PLEKHA5: variants seen among roughly 807,000 people sequenced by gnomAD.
PLEKHA5 encodes pleckstrin homology domain containing A5.
In PLEKHA5, 55 loss-of-function variants were observed where a neutral mutation model predicts 181.9. The ratio of observed to expected loss-of-function variants is 0.30; its 90% CI spans 0.24 to 0.38. The LOEUF (loss-of-function observed/expected upper bound fraction) is 0.38. PLEKHA5 is among the 10% of genes least tolerant of loss of function. PLEKHA5 has a pLI of 1.00. For synonymous variants in PLEKHA5, 535 were observed against 529.4 expected (o/e 1.01, Z -0.15); for missense variants, 1,432 against 1,549.5 (o/e 0.92, Z 1.27).
At chr12:19,157,667 A>G (rs1331232787) in intron 3 of PLEKHA5, among the ~76,000 whole-genome samples, 1 of 152,140 alleles carries the variant, frequency 6.6e-6, no homozygotes, top group East Asian at 1.9e-4. Context: ...CCCGTCAGTT[A>G]TTGAGCATTT....
rs576219735 is a variant in PLEKHA5 at position 19,369,772 on chromosome 12, T to C, written c.3834T>C (p.His1278=). ...STQPQLTEGS[H]FMCV ...AGCCGCAGCTCACAGAAGGATCACATTTCATGTGTGTGTAGTCTTAGAAGA... is the reference window on the plus strand; with the variant it reads ...AGCCGCAGCTCACAGAAGGATCACACTTCATGTGTGTGTAGTCTTAGAAGA... Residue 1278 remains histidine (H), a synonymous_variant, in exon 31 of 32, where the codon CAT becomes CAC. Coordinates refer to ENST00000429027, the MANE Select transcript of PLEKHA5 (RefSeq NM_001256470.2). 6.2e-7 allele frequency: 1 copy of C among 1,608,358 alleles called. No homozygotes were observed. Among genetic ancestry groups the C allele is most frequent in the African/African-American group, 1.3e-5 (1 of 74,932 alleles).
chr12:19,208,802 C>T (rs544602163), intron 3 of PLEKHA5, among the ~76,000 whole-genome samples: 10 of 152,264 alleles, frequency 6.6e-5, no homozygotes, highest in East Asian at 1.9e-4. Context: ...GGGTACTCTG[C>T]AGATCGAATG....
At chr12:19,340,922 G>A (rs574039542) in intron 21 of PLEKHA5, among the ~76,000 whole-genome samples, 4 of 140,108 alleles carry the variant, frequency 2.9e-5, no homozygotes, top group Non-Finnish European at 4.6e-5. Context: ...CCCCCTCTGC[G>A]AGAAACACCC....
chr12:19,198,863 A>G (rs1392886135), intron 3 of PLEKHA5, among the ~76,000 whole-genome samples: 1 of 152,176 alleles, frequency 6.6e-6, no homozygotes, highest in Non-Finnish European at 1.5e-5. Flanking sequence ...TTATTTACAT[A>G]GTGAAATATT....
At chr12:19,331,135 C>CT (rs542030595) in intron 20 of PLEKHA5, among the ~76,000 whole-genome samples, 2 of 151,698 alleles carry the variant, frequency 1.3e-5, no homozygotes, top group African/African-American at 2.4e-5. Flanking sequence ...TAATTATTTG[C>CT]TTTTTTTTAA....
At chr12:19,363,404 T>A (rs992841270) in intron 29 of PLEKHA5, among the ~76,000 whole-genome samples, 4 of 151,890 alleles carry the variant, frequency 2.6e-5, no homozygotes, top group African/African-American at 9.7e-5. Context: ...TCCTGACTCA[T>A]GATCAGCCCG....
At chr12:19,173,630 C>T (rs771407494) in intron 3 of PLEKHA5, among the ~76,000 whole-genome samples, 1 of 152,146 alleles carries the variant, frequency 6.6e-6, no homozygotes, top group African/African-American at 2.4e-5. Flanking sequence ...AAATCACTCA[C>T]TATTTGAAGC....
intron 20 of PLEKHA5, among the ~76,000 whole-genome samples, chr12:19,334,725 A>T (rs200995680): frequency 6.7e-6 from 1 of 148,310 alleles, no homozygotes; most frequent in East Asian, 2.0e-4. Context: ...TCACACCTGT[A>T]ATCTCAGCAC....
At chr12:19,179,897 G>A (rs1021798617) in intron 3 of PLEKHA5, among the ~76,000 whole-genome samples, 9 of 152,104 alleles carry the variant, frequency 5.9e-5, no homozygotes, top group African/African-American at 1.9e-4. Flanking sequence ...AAAGGGTCTC[G>A]CTATATTTCC....
chr12:19,307,366 G>A (rs1053308895), intron 15 of PLEKHA5: 31 of 278,612 alleles, frequency 1.1e-4, no homozygotes, highest in African/African-American at 5.3e-4. Context: ...CAAATACTTA[G>A]GAGGCTGAGG....
chr12:19,199,842 G>C (rs773485642), intron 3 of PLEKHA5, among the ~76,000 whole-genome samples: 31 of 152,156 alleles, frequency 2.0e-4, no homozygotes, highest in Non-Finnish European at 2.8e-4. Context: ...CATGTCTTTT[G>C]CAGCAACATG....
intron 3 of PLEKHA5, among the ~76,000 whole-genome samples, chr12:19,182,328 T>C (rs2048808763): frequency 6.6e-6 from 1 of 152,210 alleles, no homozygotes; most frequent in African/African-American, 2.4e-5. Flanking sequence ...AGTTTTGGCA[T>C]TTTTGATGTT....
intron 15 of PLEKHA5, among the ~76,000 whole-genome samples, chr12:19,292,800 A>G (rs1354283619): frequency 6.6e-6 from 1 of 151,996 alleles, no homozygotes; most frequent in Non-Finnish European, 1.5e-5. Flanking sequence ...CTAGCCGAGC[A>G]TGGTGGTGTG....
intron 3 of PLEKHA5, among the ~76,000 whole-genome samples, chr12:19,214,059 A>T (rs1001224431): frequency 6.6e-6 from 1 of 152,230 alleles, no homozygotes; most frequent in East Asian, 1.9e-4. Flanking sequence ...GATAAGGTTA[A>T]TAAGGAATGG....
chr12:19,350,808 T>G (rs2094555988), intron 25 of PLEKHA5, among the ~76,000 whole-genome samples: 1 of 152,158 alleles, frequency 6.6e-6, no homozygotes, highest in Non-Finnish European at 1.5e-5. Context: ...TAAGTGGTAG[T>G]AATGTTCACA....
At chr12:19,214,546 G>A (rs188795247) in intron 3 of PLEKHA5, among the ~76,000 whole-genome samples, 9 of 152,240 alleles carry the variant, frequency 5.9e-5, no homozygotes, top group Admixed American at 3.9e-4. Context: ...AAGATGGAGG[G>A]AAGAGAAGAA....
chr12:19,184,008 C>T (rs1052148450), intron 3 of PLEKHA5, among the ~76,000 whole-genome samples: 1 of 152,126 alleles, frequency 6.6e-6, no homozygotes, highest in African/African-American at 2.4e-5. Flanking sequence ...AGCCACTGTG[C>T]CTGGTCTTAT....
intron 23 of PLEKHA5, among the ~76,000 whole-genome samples, chr12:19,346,290 CTA>C (rs2094327041): frequency 6.6e-6 from 1 of 152,048 alleles, no homozygotes; most frequent in South Asian, 2.1e-4. Flanking sequence ...CCAAAAGAAT[CTA>C]TTATTTTGAA....
intron 3 of PLEKHA5, among the ~76,000 whole-genome samples, chr12:19,192,344 G>A (rs1261714380): frequency 3.9e-5 from 6 of 152,104 alleles, no homozygotes; most frequent in Non-Finnish European, 8.8e-5. Flanking sequence ...TTAATGAAAT[G>A]TGGAATTATG....
Sources: gnomAD v4.1 joint callset for allele counts (sites outside exome capture counted in the v4.1 genomes callset) on GRCh38, gnomAD v4.1.1 for gene constraint, MANE v1.5 for transcripts, NCBI Gene and HGNC (gene_info 2026-07-23, HGNC 2026-07-21) for gene names.